IRF3: variants seen among roughly 807,000 people sequenced by gnomAD.
IRF3 encodes interferon regulatory factor 3.
A neutral mutation model predicts 43.2 loss-of-function variants in IRF3; 29 were observed. That is an observed-to-expected ratio of 0.67 (90% CI 0.50 to 0.91). The LOEUF (loss-of-function observed/expected upper bound fraction) is 0.91. Among genes scored for constraint, IRF3 ranks in the 40% least tolerant of loss-of-function variants. The pLI, the probability that IRF3 is intolerant of heterozygous loss-of-function variation, is 0.00. For missense variants in IRF3, 505 were observed against 559.1 expected (o/e 0.90, Z 0.98); for synonymous variants, 228 against 233.9 (o/e 0.97, Z 0.23).
intron 6 of IRF3, chr19:49,661,330 C>G (rs572969484): frequency 1.2e-5 from 2 of 161,862 alleles, no homozygotes; most frequent in Admixed American, 6.2e-5. Flanking sequence ...CACTGCACAG[C>G]GAAACCCTAA....
rs151315907 is a variant in IRF3 at position 49,665,656 on chromosome 19, G to C, written c.-34C>G. 4.6e-4 allele frequency: 400 copies of C among 863,078 alleles called. 1 individual carries two copies. In the African/African-American group the frequency reaches 6.2e-3, roughly 13 times the overall value. The allele number at this position is 863,078 out of a possible 1,614,324, so 53.5% of individuals were successfully genotyped here. On this transcript the variant is annotated 5_prime_UTR_variant, in exon 1 of 8. Transcript: ENST00000377139. Reference sequence around the variant, plus strand: ...CTACGATGGAAGGTCGGGGCGTGCGGGCAGCTGGAACCCACCCCTGTCTTG... The same window carrying C: ...CTACGATGGAAGGTCGGGGCGTGCGCGCAGCTGGAACCCACCCCTGTCTTG...
Position 49,665,623 on chromosome 19 carries a change from C to A in IRF3, c.-9+8G>T, listed in dbSNP as rs1222232553. On this transcript the variant is annotated splice_region_variant and intron_variant, in intron 1 of 7. Coordinates refer to ENST00000377139, the MANE Select transcript of IRF3 (RefSeq NM_001571.6). ...CCACCAACGCTCTCCCGGGCTCTTC[C>A]GCGTTACCTACGATGGAAGGTCGGG... The A allele has an allele frequency of 3.1e-6, 2 of 646,744 alleles. No individual in the cohort carries two copies. Among genetic ancestry groups the A allele is most frequent in the Non-Finnish European group, 5.2e-6 (2 of 387,806 alleles). The allele number at this position is 646,744 out of a possible 1,614,324, so 40.1% of individuals were successfully genotyped here. A position where few individuals can be genotyped will look rare whatever the true frequency, so the allele number is the denominator to read the frequency against.
In IRF3 at chr19:49,661,822, G is replaced by A. The variant is rs560619282; in HGVS notation, c.982+126C>T. On this transcript the variant is annotated intron_variant, in intron 6 of 7. Transcript: ENST00000377139. ...TCTCGAACTCCTGAACTTGTCATCT[G>A]CCCACCTCAGCCTCCCAAAGTGCTG... 1.4e-5 allele frequency: 16 copies of A among 1,130,546 alleles called. No individual in the cohort carries two copies. In the East Asian group the frequency reaches 3.6e-4, roughly 25 times the overall value. The allele number at this position is 1,130,546 out of a possible 1,614,324, so 70.0% of individuals were successfully genotyped here.
chr19:49,661,914 G>C (rs761415374), intron 6 of IRF3, 34 bp downstream of exon 6: 10 of 1,575,608 alleles, frequency 6.3e-6, no homozygotes, highest in Non-Finnish European at 8.6e-6. Context: ...AGGCTGCTTT[G>C]TACTGGCCAG....
In IRF3 at chr19:49,662,625, GAAAC is replaced by G; in HGVS notation, c.409-12_409-9del. 1 of 1,524,892 alleles carries G rather than the reference GAAAC, an allele frequency of 6.6e-7. No individual in the cohort carries two copies. The highest frequency in any genetic ancestry group is 8.8e-7 in the Non-Finnish European group (1 of 1,138,128). The allele number at this position is 1,524,892 out of a possible 1,614,324, so 94.5% of individuals were successfully genotyped here. A position where few individuals can be genotyped will look rare whatever the true frequency, so the allele number is the denominator to read the frequency against. On this transcript the variant is annotated splice_polypyrimidine_tract_variant and intron_variant, in intron 4 of 7. Coordinates refer to ENST00000377139, the MANE Select transcript of IRF3 (RefSeq NM_001571.6). ...CTCATCCAGAATGTCTTCCTGGAGG[GAAAC>G]AAAAAAAGAGAATCAGGCATTTCCA...
At position 49,663,455 on chromosome 19, in the gene IRF3, G is replaced by C; in HGVS notation, c.225C>G (p.Thr75=). Residue 75 remains threonine (T), a synonymous_variant, in exon 3 of 8, where the codon ACC becomes ACG. Transcript: ENST00000377139. The part of the protein sequence containing the change: ...VPGRDKPDLP[T]WKRNFRSALN... Reference sequence around the variant, plus strand: ...GGGCAGAGCGGAAATTCCTCTTCCAGGTTGGCAGGTCTGGCTTATCCCTCC... The same window carrying C: ...GGGCAGAGCGGAAATTCCTCTTCCACGTTGGCAGGTCTGGCTTATCCCTCC... The C allele has an allele frequency of 6.2e-7, 1 of 1,614,226 alleles. No individual in the cohort carries two copies. Among genetic ancestry groups the C allele is most frequent in the Non-Finnish European group, 8.5e-7 (1 of 1,180,046 alleles).
chr19:49,660,027 A>ACACACCCCCCCC (rs57168131), intron 7 of IRF3, among the ~76,000 whole-genome samples, 194 bp from the exon 8 acceptor site: 2 of 74,716 alleles, frequency 2.7e-5, no homozygotes, highest in African/African-American at 2.0e-4. Context: ...ACACACACAC[A>ACACACCCCCCCC]CCCCCTGCTG....
rs1365228930 is a variant in IRF3 at position 49,661,936 on chromosome 19, T to C, written c.982+12A>G. On this transcript the variant is annotated intron_variant, in intron 6 of 7. Coordinates refer to ENST00000377139, the MANE Select transcript of IRF3 (RefSeq NM_001571.6). ...TTTGTACTGGCCAGGTCGAAGCCCCTGTCTCACTCACCTACAATGAAGGGC... is the reference window on the plus strand; with the variant it reads ...TTTGTACTGGCCAGGTCGAAGCCCCCGTCTCACTCACCTACAATGAAGGGC... 4.4e-6 allele frequency: 7 copies of C among 1,596,844 alleles called. No homozygotes were observed. The highest frequency in any genetic ancestry group is 2.2e-5 in the East Asian group (1 of 44,608).
chr19:49,660,759 G>T lies in IRF3; in HGVS notation c.1052C>A (p.Ser351Ter). 6.2e-7 allele frequency: 1 copy of T among 1,610,852 alleles called. No homozygotes were observed. Among genetic ancestry groups the T allele is most frequent in the South Asian group, 1.1e-5 (1 of 90,088 alleles). The part of the protein sequence containing the change: ...RYALWFCVGE[S>*]WPQDQPWTKR... ...GGTCCACGGCTGGTCCTGGGGCCATGACTCCCCCACACAGAACCAGAGGGC... is the reference window on the plus strand; with the variant it reads ...GGTCCACGGCTGGTCCTGGGGCCATTACTCCCCCACACAGAACCAGAGGGC... The change falls in exon 7 of 8, where the codon TCA (serine) becomes TAA (stop). Residue 351 changes from serine to a stop codon, truncating the protein, a stop_gained. Transcript: ENST00000377139. LOFTEE classifies it high-confidence loss of function.
rs1599850226 is a variant in IRF3, at chr19:49,660,917, C to T, written c.983-89G>A. ...CTTGAATGATAACCCCCACCACCTC[C>T]CCTGACCTAAGGCCCTCTGCTGCCT... On this transcript the variant is annotated intron_variant, in intron 6 of 7. Coordinates refer to ENST00000377139, the MANE Select transcript of IRF3 (RefSeq NM_001571.6). 6.9e-6 allele frequency: 10 copies of T among 1,459,430 alleles called. No individual in the cohort carries two copies. The East Asian group carries it at 1.0e-4, about 15-fold the overall frequency. 90.4% of individuals were successfully genotyped at this position (1,459,430 alleles called of 1,614,324 possible). A position where few individuals can be genotyped will look rare whatever the true frequency, so the allele number is the denominator to read the frequency against.
rs1300766886 is a variant in IRF3, at chr19:49,661,853, A to C, written c.982+95T>G. ...CTCAGCCTCCCAAAGTGCTGGGACT[A>C]CAGGCGTGAGCCACCGTGCCCGGCC... On this transcript the variant is annotated intron_variant, in intron 6 of 7. Transcript: ENST00000377139. 2.8e-6 allele frequency: 4 copies of C among 1,448,346 alleles called. No individual in the cohort carries two copies. The African/African-American group carries it at 5.7e-5, about 21-fold the overall frequency. 89.7% of individuals were successfully genotyped at this position (1,448,346 alleles called of 1,614,324 possible).
Position 49,659,774 on chromosome 19 carries a change from G to A in IRF3, c.1158C>T (p.Ser386=), listed in dbSNP as rs2081196571. 6.2e-7 allele frequency: 1 copy of A among 1,612,858 alleles called. No homozygotes were observed. Among genetic ancestry groups the A allele is most frequent in the South Asian group, 1.1e-5 (1 of 91,020 alleles). The change falls in exon 8 of 8, where the codon TCC becomes TCT. Residue 386 remains serine (S), a synonymous_variant. Coordinates refer to ENST00000377139, the MANE Select transcript of IRF3 (RefSeq NM_001571.6). Reference sequence around the variant, plus strand: ...TGTGCAGGTCCACAGTATTCTCCAGGGAGGAGGCACCCCCTACCCGGGCCA... The same window carrying A: ...TGTGCAGGTCCACAGTATTCTCCAGAGAGGAGGCACCCCCTACCCGGGCCA... ...VEMARVGGAS[S]LENTVDLHIS...
In IRF3 at chr19:49,659,788, C is replaced by T. The variant is rs1282254086; in HGVS notation, c.1144G>A (p.Gly382Arg). Reference sequence around the variant, plus strand: ...GTATTCTCCAGGGAGGAGGCACCCCCTACCCGGGCCATTTCTACCAAGGCC... The same window carrying T: ...GTATTCTCCAGGGAGGAGGCACCCCTTACCCGGGCCATTTCTACCAAGGCC... Reference protein sequence around the residue: ...LRALVEMARVGGASSLENTVD... With the variant: ...LRALVEMARVRGASSLENTVD... The change falls in exon 8 of 8, where the codon GGG (glycine) becomes AGG (arginine). Residue 382 changes from glycine to arginine, a missense_variant. By Grantham distance (125) the Gly-to-Arg change is moderately radical. Coordinates refer to ENST00000377139, the MANE Select transcript of IRF3 (RefSeq NM_001571.6). 5 of 1,610,476 alleles carry T rather than the reference C, an allele frequency of 3.1e-6. No homozygotes were observed. Among genetic ancestry groups the T allele is most frequent in the Non-Finnish European group, 4.2e-6 (5 of 1,177,776 alleles).
intron 6 of IRF3, chr19:49,661,104 AT>A: frequency 2.3e-6 from 1 of 434,924 alleles, no homozygotes; most frequent in East Asian, 4.2e-5. Context: ...TGCTCAGTGA[AT>A]CTGGAGAAGC....
rs769570700 is a variant in IRF3, at chr19:49,662,300, G to A, written c.630C>T (p.Tyr210=). ...EEWEFEVTAF[Y]RGRQVFQQTI... ...TCTGCTGGAAGACTTGGCGGCCCCG[G>A]TAGAAGGCTGTCACCTCGAACTCCC... The change falls in exon 6 of 8, where the codon TAC becomes TAT. Residue 210 remains tyrosine (Y), a synonymous_variant. Transcript: ENST00000377139. 1 of 1,613,674 alleles carries A rather than the reference G, an allele frequency of 6.2e-7. No homozygotes were observed. The highest frequency in any genetic ancestry group is 8.5e-7 in the Non-Finnish European group (1 of 1,180,032).
At chr19:49,663,657 C>T (rs1198763987) in intron 2 of IRF3, 143 bp from the exon 3 acceptor site, 20 of 728,286 alleles carry the variant, frequency 2.7e-5, no homozygotes, top group African/African-American at 1.1e-4. Context: ...CAAATCCCCC[C>T]GTCCCACCTA....
At chr19:49,662,987 G>A (rs2081411156) in intron 4 of IRF3, among the ~76,000 whole-genome samples, 1 of 152,212 alleles carries the variant, frequency 6.6e-6, no homozygotes. Flanking sequence ...TCCCGGGAAG[G>A]TGTGCTCGGG....
At chr19:49,664,185 A>C (rs1028284891) in intron 2 of IRF3, among the ~76,000 whole-genome samples, 1 of 152,116 alleles carries the variant, frequency 6.6e-6, no homozygotes, top group Non-Finnish European at 1.5e-5. Context: ...TTTCTTTCTA[A>C]GCCAGGCTTC....
rs2230667 is a variant in IRF3, at chr19:49,662,445, C to T, written c.581G>A (p.Arg194Gln). The T allele has an allele frequency of 3.6e-5, 57 of 1,597,202 alleles. 1 individual carries two copies. The East Asian group carries it at 5.2e-4, about 15-fold the overall frequency. Reference protein sequence around the residue: ...NLGPSENPLKRLLVPGEEWEF... With the variant: ...NLGPSENPLKQLLVPGEEWEF... The stretch of plus-strand genomic sequence containing the variant: ...CTCACCTTCCCCCGGCACCAACAGC[C>T]GCTTCAGTGGGTTCTCAGAGGGCCC... Residue 194 changes from arginine (R) to glutamine (Q), a missense_variant, in exon 5 of 8, where the codon CGG becomes CAG. Coordinates refer to ENST00000377139, the MANE Select transcript of IRF3 (RefSeq NM_001571.6).
Sources: allele counts gnomAD v4.1 joint callset (sites outside exome capture counted in the v4.1 genomes callset), GRCh38; gene constraint gnomAD v4.1.1; transcripts MANE v1.5; gene names NCBI Gene and HGNC (gene_info 2026-07-23, HGNC 2026-07-21).